Variants in NCAPG observed in about 807,000 individuals in gnomAD.
The protein encoded by NCAPG is non-SMC condensin I complex subunit G, also known as condensin complex subunit 3.
A neutral mutation model predicts 113.1 loss-of-function variants in NCAPG; 69 were observed. The observed-to-expected ratio is 0.61, with a 90% CI of 0.50 to 0.75. NCAPG has a LOEUF of 0.75. NCAPG is among the 30% of genes least tolerant of loss of function. NCAPG has a pLI of 0.00. For synonymous variants in NCAPG, 370 were observed against 415.8 expected (o/e 0.89, Z 1.34); for missense variants, 1,058 against 1,177.0 (o/e 0.90, Z 1.48).
intron 12 of NCAPG, among the ~76,000 whole-genome samples, chr4:17,830,609 A>T (rs1050340309): frequency 2.8e-5 from 4 of 145,090 alleles, no homozygotes; most frequent in Admixed American, 7.0e-5. Flanking sequence ...AACATGACAT[A>T]TGTGGTACCC....
At chr4:17,816,956 A>G (rs1280781984) in intron 5 of NCAPG, among the ~76,000 whole-genome samples, 3 of 152,010 alleles carry the variant, frequency 2.0e-5, no homozygotes, top group Non-Finnish European at 4.4e-5. Flanking sequence ...AACATGGTGA[A>G]ACAAAAATTA....
In NCAPG at chr4:17,825,419, A is replaced by T. The variant is rs1363521497; in HGVS notation, c.1511A>T (p.Glu504Val). 1.3e-6 allele frequency: 2 copies of T among 1,594,404 alleles called. No homozygotes were observed. The highest frequency in any genetic ancestry group is 2.7e-5 in the African/African-American group (2 of 73,154). The change falls in exon 11 of 21, where the codon GAA (glutamate) becomes GTA (valine). Residue 504 changes from glutamate (E) to valine (V), a missense_variant. Glu to Val is a moderately radical substitution (Grantham distance 121). Coordinates refer to ENST00000251496, the MANE Select transcript of NCAPG (RefSeq NM_022346.5). ...EIKVKLIEAK[E>V]ALENCITLQD... Reference sequence around the variant, plus strand: ...AAAGTTAAGCTTATCGAAGCCAAAGAAGCTTTGGAAAATTGCATTACCTTA... The same window carrying T: ...AAAGTTAAGCTTATCGAAGCCAAAGTAGCTTTGGAAAATTGCATTACCTTA...
At chr4:17,819,781 T>C (rs963361100) in intron 7 of NCAPG, among the ~76,000 whole-genome samples, 2 of 152,242 alleles carry the variant, frequency 1.3e-5, no homozygotes, top group Non-Finnish European at 2.9e-5. Context: ...TCTCTGCTTT[T>C]GTTTAAAATG....
chr4:17,825,487 G>A lies in NCAPG; in HGVS notation c.1579G>A (p.Ala527Thr), dbSNP rs767634927. Residue 527 changes from alanine to threonine, a missense_variant, in exon 11 of 21, where the codon GCA becomes ACA. Coordinates refer to ENST00000251496, the MANE Select transcript of NCAPG (RefSeq NM_022346.5). ...ATCAGAATTAAAAGAAGAAATAAAA[G>A]CATTAGAAGATGCCAGAATAAACCT... ...RASELKEEIK[A>T]LEDARINLLK... is the part of the protein sequence containing the mutation. 1.2e-6 allele frequency: 2 copies of A among 1,609,748 alleles called. No individual in the cohort carries two copies. Among genetic ancestry groups the A allele is most frequent in the Admixed American group, 1.7e-5 (1 of 58,744 alleles).
At chr4:17,827,658 CTG>C (rs567726773) in intron 11 of NCAPG, among the ~76,000 whole-genome samples, 93 of 151,848 alleles carry the variant, frequency 6.1e-4, no homozygotes, top group Non-Finnish European at 1.1e-3. Context: ...TTTGAGGAAA[CTG>C]TGGAACATCA....
intron 12 of NCAPG, among the ~76,000 whole-genome samples, chr4:17,830,743 G>GTATA (rs1283910887): frequency 6.6e-6 from 1 of 152,122 alleles, no homozygotes; most frequent in Admixed American, 6.6e-5. Flanking sequence ...ATAGGGAATA[G>GTATA]TATATATCAT....
Position 17,814,872 on chromosome 4 carries a change from A to G in NCAPG, c.564A>G (p.Glu188=), listed in dbSNP as rs531274984. The change falls in exon 4 of 21, where the codon GAA becomes GAG. Residue 188 remains glutamate, a synonymous_variant. Transcript: ENST00000251496. The stretch of plus-strand genomic sequence containing the variant: ...TTTTAGCATATGCTACTTTGATTGA[A>G]AATGATTCAAATCCAGAAGTTAGAC... The part of the protein sequence containing the change: ...PVVNAYATLI[E]NDSNPEVRRA... 6 of 1,614,188 alleles carry G rather than the reference A, an allele frequency of 3.7e-6. No homozygotes were observed. The highest frequency in any genetic ancestry group is 5.1e-6 in the Non-Finnish European group (6 of 1,180,004).
In NCAPG at chr4:17,837,772, C is replaced by T. The variant is rs749720521; in HGVS notation, c.2437C>T (p.Pro813Ser). The part of the protein sequence containing the change: ...VDLTRPSGLN[P>S]QAKTSQDYQA... ...TTTGACAAGACCAAGTGGATTAAAT[C>T]CTCAGGCCAAGACTTCCCAAGATTA... is the stretch of plus-strand genomic sequence containing the variant. Residue 813 changes from proline (P) to serine (S), a missense_variant, in exon 16 of 21, where the codon CCT becomes TCT. By Grantham distance (74) the Pro-to-Ser change is moderately conservative. Transcript: ENST00000251496. The T allele has an allele frequency of 6.2e-7, 1 of 1,613,876 alleles. No homozygotes were observed. Among genetic ancestry groups the T allele is most frequent in the South Asian group, 1.1e-5 (1 of 91,068 alleles).
chr4:17,828,059 C>A (rs534414873), intron 11 of NCAPG, among the ~76,000 whole-genome samples: 1 of 152,044 alleles, frequency 6.6e-6, no homozygotes, highest in African/African-American at 2.4e-5. Context: ...CCTTGGCCCC[C>A]CAAAGTGCTA....
At chr4:17,833,833 T>G (rs942604854) in intron 13 of NCAPG, among the ~76,000 whole-genome samples, 3 of 152,142 alleles carry the variant, frequency 2.0e-5, no homozygotes, top group Non-Finnish European at 4.4e-5. Context: ...AAATGAAACT[T>G]GATAACCTAG....
chr4:17,818,749 T>G lies in NCAPG; in HGVS notation c.1118+661T>G, dbSNP rs79200817. On this transcript the variant is annotated intron_variant, in intron 7 of 20. Coordinates refer to ENST00000251496, the MANE Select transcript of NCAPG (RefSeq NM_022346.5). The stretch of plus-strand genomic sequence containing the variant: ...TACTATCTAGCTTCATGTTTTAAAG[T>G]TTTTTCAAAATATGCCTTTTTAAAA... Among the ~76,000 whole-genome samples, 763 of 152,308 alleles carry G rather than the reference T, an allele frequency of 5.0e-3. 4 individuals are homozygous for G. The highest frequency in any genetic ancestry group is 0.017 in the African/African-American group (719 of 41,574).
Position 17,811,040 on chromosome 4 carries a change from A to T in NCAPG, c.-38A>T, listed in dbSNP as rs1506614. ...TTGGCGGGCTGGCAGGCTGTAGCCG[A>T]GCGCGGGCAGGACTCGTCCCGGCAG... On this transcript the variant is annotated 5_prime_UTR_variant, in exon 1 of 21. Transcript: ENST00000251496. This position sits in a 1 kb window ranked among gnomAD's most constrained non-coding sequence, Gnocchi z 5.3. The T allele has an allele frequency of 5.5e-3, 7,369 of 1,342,244 alleles. 352 individuals carry two copies. In the African/African-American group the frequency reaches 0.1, roughly 18 times the overall value. 83.1% of individuals were successfully genotyped at this position (1,342,244 alleles called of 1,614,324 possible).
chr4:17,839,112 T>C (rs1722224779), intron 16 of NCAPG, among the ~76,000 whole-genome samples: 1 of 152,080 alleles, frequency 6.6e-6, no homozygotes, highest in African/African-American at 2.4e-5. Context: ...TGACATAGTT[T>C]AATTGGGGAG....
chr4:17,818,150 T>A (rs1257887858), intron 7 of NCAPG, 62 bp downstream of exon 7: 1 of 1,490,934 alleles, frequency 6.7e-7, no homozygotes, highest in Non-Finnish European at 9.0e-7. Flanking sequence ...AATCTCCCAG[T>A]CCCCTTCCTC....
chr4:17,819,487 C>T (rs999678588), intron 7 of NCAPG, among the ~76,000 whole-genome samples: 3 of 151,932 alleles, frequency 2.0e-5, no homozygotes, highest in African/African-American at 4.8e-5. Context: ...CTGCATCCTC[C>T]GCCTCCCGGG....
In NCAPG at chr4:17,844,782, AAAG is replaced by A. The variant is rs1577223612; in HGVS notation, c.*1360_*1362del. ...ATTCACACATGGCCAGGCTATCCAA[AAAG>A]AAAGGAGCCATGTTCTCATGTGGTT... is the stretch of plus-strand genomic sequence containing the variant. On this transcript the variant is annotated 3_prime_UTR_variant, in exon 21 of 21. Coordinates refer to ENST00000251496, the MANE Select transcript of NCAPG (RefSeq NM_022346.5). The A allele has an allele frequency of 6.6e-6, 1 of 152,552 alleles. No individual in the cohort carries two copies. Among genetic ancestry groups the A allele is most frequent in the South Asian group, 2.1e-4 (1 of 4,832 alleles). 9.4% of individuals were successfully genotyped at this position (152,552 alleles called of 1,614,324 possible). A position where few individuals can be genotyped will look rare whatever the true frequency, so the allele number is the denominator to read the frequency against.
At chr4:17,840,566 A>C in intron 18 of NCAPG, 41 bp from the exon 19 acceptor site, 1 of 1,130,004 alleles carries the variant, frequency 8.8e-7, no homozygotes, top group Non-Finnish European at 1.2e-6. Context: ...ATATTTCATG[A>C]GGTTATCTTA....
In NCAPG at chr4:17,844,397, G is replaced by A. The variant is rs1009965571; in HGVS notation, c.*972G>A. 5 of 152,056 alleles carry A rather than the reference G, an allele frequency of 3.3e-5. No homozygotes were observed. The highest frequency in any genetic ancestry group is 1.2e-4 in the African/African-American group (5 of 41,302). 9.4% of individuals were successfully genotyped at this position (152,056 alleles called of 1,614,324 possible). ...GTTTTAATAATTGTGCTTTTTTTAG[G>A]CTTATCATCTACTAGAGGCCATTTA... On this transcript the variant is annotated 3_prime_UTR_variant, in exon 21 of 21. Transcript: ENST00000251496.
At chr4:17,829,179 G>T (rs570984219) in intron 12 of NCAPG, among the ~76,000 whole-genome samples, 1 of 152,022 alleles carries the variant, frequency 6.6e-6, no homozygotes, top group Non-Finnish European at 1.5e-5. Flanking sequence ...GTATTAGTGC[G>T]CTGTTTTGTT....
Sources: gnomAD v4.1 joint callset for allele counts (sites outside exome capture counted in the v4.1 genomes callset) on GRCh38, gnomAD v4.1.1 for gene constraint, Gnocchi (gnomAD v3.1) non-coding constraint, MANE v1.5 for transcripts, NCBI Gene and HGNC (gene_info 2026-07-23, HGNC 2026-07-21) for gene names.